The following PTGIS variants were observed in gnomAD, a reference collection of about 807,000 sequenced individuals.
The protein encoded by PTGIS is prostacyclin synthase.
Under a neutral mutation model 50.3 loss-of-function variants are expected in PTGIS, and 45 were observed. The ratio of observed to expected loss-of-function variants is 0.90; its 90% CI spans 0.70 to 1.15. The LOEUF is 1.15. Ranked by LOEUF, PTGIS falls within the 50% of genes most tolerant of loss-of-function variation. The pLI is 0.00. For missense variants in PTGIS, 668 were observed against 661.3 expected, an observed-to-expected ratio of 1.01 and a Z score of -0.11; for synonymous variants, 260 against 267.7, an observed-to-expected ratio of 0.97 and a Z score of 0.28.
Position 49,568,095 on chromosome 20 carries a change from C to T in PTGIS, c.22G>A (p.Gly8Ser). The change falls in exon 1 of 10, where the codon GGC becomes AGC. Residue 8 changes from glycine (G) to serine (S), a missense_variant. By Grantham distance (56) the Gly-to-Ser change is moderately conservative (BLOSUM62 0). Transcript: ENST00000244043. ...AGCAGCAACAGTGCGGCCAGGAGGC[C>T]GAGGAGCGCGGCCCAAGCCATCGCG... MAWAALL[G>S]LLAALLLLLL... 1 of 1,433,956 alleles carries T rather than the reference C, an allele frequency of 7.0e-7. No homozygotes were observed. Among genetic ancestry groups the T allele is most frequent in the Non-Finnish European group, 9.1e-7 (1 of 1,098,666 alleles). The allele number at this position is 1,433,956 out of a possible 1,614,324, so 88.8% of individuals were successfully genotyped here. A position where few individuals can be genotyped will look rare whatever the true frequency, so the allele number is the denominator to read the frequency against.
At chr20:49,566,066 C>T (rs1208625874) in intron 1 of PTGIS, among the ~76,000 whole-genome samples, 1 of 151,948 alleles carries the variant, frequency 6.6e-6, no homozygotes, top group African/African-American at 2.4e-5. Context: ...CCTGTCTCTA[C>T]TAAAAATACA....
chr20:49,551,300 A>C (rs1440984091), intron 1 of PTGIS, among the ~76,000 whole-genome samples: 1 of 152,222 alleles, frequency 6.6e-6, no homozygotes. Flanking sequence ...TCCAGCATTC[A>C]TATCAACACA....
chr20:49,551,504 C>A (rs1459368838), intron 1 of PTGIS, among the ~76,000 whole-genome samples: 1 of 152,104 alleles, frequency 6.6e-6, no homozygotes, highest in Non-Finnish European at 1.5e-5. Context: ...CTGGAAGCAC[C>A]CCCCACATCA....
chr20:49,542,250 G>A (rs1982249466), intron 4 of PTGIS, among the ~76,000 whole-genome samples: 1 of 152,184 alleles, frequency 6.6e-6, no homozygotes, highest in East Asian at 1.9e-4. Context: ...TGTAAGAGGT[G>A]GCACCTCACA....
At chr20:49,567,807 G>C (rs919089319) in intron 1 of PTGIS, among the ~76,000 whole-genome samples, 1 of 152,154 alleles carries the variant, frequency 6.6e-6, no homozygotes, top group African/African-American at 2.4e-5. Flanking sequence ...CGCCCCGGGG[G>C]ACCTACCGGA....
At chr20:49,512,935 G>A in intron 8 of PTGIS, 145 bp downstream of exon 8, 1 of 941,018 alleles carries the variant, frequency 1.1e-6, no homozygotes. Flanking sequence ...AGGTGAGGAA[G>A]CAAACACAGA....
chr20:49,544,268 G>C (rs778966842), intron 4 of PTGIS, 37 bp downstream of exon 4: 2 of 1,612,380 alleles, frequency 1.2e-6, no homozygotes, highest in Middle Eastern at 3.3e-4. Flanking sequence ...TCAAAGTGCC[G>C]GGCCCCAGCA....
In PTGIS at chr20:49,560,048, C is replaced by T. The variant is rs530656292; in HGVS notation, c.74+7995G>A. Among the ~76,000 whole-genome samples, 26 of 151,996 alleles carry T rather than the reference C, an allele frequency of 1.7e-4. No homozygotes were observed. The East Asian group carries it at 3.1e-3, about 18-fold the overall frequency. On this transcript the variant is annotated intron_variant, in intron 1 of 9. Coordinates refer to ENST00000244043, the MANE Select transcript of PTGIS (RefSeq NM_000961.4). ...CAAGCAATTCTCTGCCTCAGCCTGC[C>T]GAGTAGCTGGGATTACAGGCACCCG...
chr20:49,512,883 A>G lies in PTGIS; in HGVS notation c.1206+197T>C, dbSNP rs1051814427. Among the ~76,000 whole-genome samples, 18 of 152,192 alleles carry G rather than the reference A, an allele frequency of 1.2e-4. No individual in the cohort carries two copies. The South Asian group carries it at 2.5e-3, about 21-fold the overall frequency. ...ATGCATGATCCCATTTAATCTTCCTATCAATCTCATGAGGCAGGTGCTATT... is the reference window on the plus strand; with the variant it reads ...ATGCATGATCCCATTTAATCTTCCTGTCAATCTCATGAGGCAGGTGCTATT... On this transcript the variant is annotated intron_variant, in intron 8 of 9. Coordinates refer to ENST00000244043, the MANE Select transcript of PTGIS (RefSeq NM_000961.4).
At chr20:49,563,097 A>G (rs1982816811) in intron 1 of PTGIS, among the ~76,000 whole-genome samples, 1 of 152,184 alleles carries the variant, frequency 6.6e-6, no homozygotes, top group African/African-American at 2.4e-5. Flanking sequence ...CAGCTGTGCA[A>G]TGTTGGGTAG....
At chr20:49,541,450 G>A (rs6012688) in intron 4 of PTGIS, among the ~76,000 whole-genome samples, 8,775 of 152,196 alleles carry the variant, frequency 0.058, 788 homozygotes, top group African/African-American at 0.2. Context: ...AAAGTAAACC[G>A]GCCGGGAGAG....
intron 6 of PTGIS, among the ~76,000 whole-genome samples, chr20:49,523,825 G>C (rs1244213402): frequency 6.6e-6 from 1 of 152,216 alleles, no homozygotes; most frequent in Non-Finnish European, 1.5e-5. Context: ...TTCTGTTCGT[G>C]ATGCTATTTG....
intron 1 of PTGIS, among the ~76,000 whole-genome samples, chr20:49,565,926 C>A (rs1982885420): frequency 6.6e-6 from 1 of 152,168 alleles, no homozygotes; most frequent in South Asian, 2.1e-4. Context: ...AAGGTGCCCA[C>A]AGGTATAAAA....
At chr20:49,512,929 G>A (rs1461996707) in intron 8 of PTGIS, 151 bp downstream of exon 8, 4 of 884,580 alleles carry the variant, frequency 4.5e-6, no homozygotes, top group Non-Finnish European at 1.7e-6. Context: ...TTTCACAGGT[G>A]AGGAAGCAAA....
intron 5 of PTGIS, among the ~76,000 whole-genome samples, chr20:49,532,115 T>C (rs987894766): frequency 6.6e-6 from 1 of 152,186 alleles, no homozygotes; most frequent in East Asian, 1.9e-4. Context: ...AAATATCTTA[T>C]CAATAATTTT....
intron 8 of PTGIS, among the ~76,000 whole-genome samples, 169 bp from the exon 9 acceptor site, chr20:49,511,348 T>G (rs1416889369): frequency 6.6e-6 from 1 of 152,212 alleles, no homozygotes; most frequent in African/African-American, 2.4e-5. Flanking sequence ...AAAAGGTTTG[T>G]GTGTACTGAC....
At chr20:49,541,163 C>T (rs186230743) in intron 4 of PTGIS, among the ~76,000 whole-genome samples, 4 of 152,292 alleles carry the variant, frequency 2.6e-5, no homozygotes, top group African/African-American at 4.8e-5. Flanking sequence ...ACACAAAATC[C>T]GGATTTCCTG....
chr20:49,532,426 C>A (rs1981957042), intron 5 of PTGIS, among the ~76,000 whole-genome samples: 1 of 152,038 alleles, frequency 6.6e-6, no homozygotes, highest in African/African-American at 2.4e-5. Flanking sequence ...AGTTAAGAGG[C>A]CCAGTGCTGT....
In PTGIS at chr20:49,544,400, G is replaced by C. The variant is rs747750729; in HGVS notation, c.426C>G (p.Thr142=). 5 of 1,614,124 alleles carry C rather than the reference G, an allele frequency of 3.1e-6. No individual in the cohort carries two copies. Among genetic ancestry groups the C allele is most frequent in the Non-Finnish European group, 4.2e-6 (5 of 1,180,006 alleles). Reference sequence around the variant, plus strand: ...CGCCCAACAGCACTGCATGGAGGTTGGTATACATGGCTTCTGTGAGTGCCT... The same window carrying C: ...CGCCCAACAGCACTGCATGGAGGTTCGTATACATGGCTTCTGTGAGTGCCT... ...ELQALTEAMY[T]NLHAVLLGDA... is the part of the protein sequence containing the mutation. Residue 142 remains threonine (T), a synonymous_variant, in exon 4 of 10, where the codon ACC becomes ACG. Coordinates refer to ENST00000244043, the MANE Select transcript of PTGIS (RefSeq NM_000961.4).
Sources: gnomAD v4.1 joint callset for allele counts (sites outside exome capture counted in the v4.1 genomes callset) on GRCh38, gnomAD v4.1.1 for gene constraint, MANE v1.5 for transcripts, NCBI Gene and HGNC (gene_info 2026-07-23, HGNC 2026-07-21) for gene names.